The following FAM151B variants were observed in gnomAD, a reference collection of about 807,000 sequenced individuals.
FAM151B encodes family with sequence similarity 151 member B, also known as protein FAM151B.
A neutral mutation model predicts 31.2 loss-of-function variants in FAM151B; 24 were observed. The observed-to-expected ratio is 0.77, with a 90% CI of 0.56 to 1.08. The LOEUF (loss-of-function observed/expected upper bound fraction) is 1.08. FAM151B is among the 50% of genes least tolerant of loss of function. The pLI is 0.00. For synonymous variants in FAM151B, 105 were observed against 111.4 expected, an observed-to-expected ratio of 0.94 and a Z score of 0.36; for missense variants, 293 against 328.6, an observed-to-expected ratio of 0.89 and a Z score of 0.84.
chr5:80,524,163 A>G (rs545669256), intron 5 of FAM151B, among the ~76,000 whole-genome samples: 39 of 152,280 alleles, frequency 2.6e-4, no homozygotes, highest in African/African-American at 8.7e-4. Flanking sequence ...AGAAACATTT[A>G]CAATATAGAT....
intron 1 of FAM151B, chr5:80,500,551 G>A: frequency 1.3e-6 from 1 of 755,664 alleles, no homozygotes; most frequent in Admixed American, 1.7e-5. Flanking sequence ...TGGCAAGGAT[G>A]GCGAGAAAAG....
intron 5 of FAM151B, among the ~76,000 whole-genome samples, chr5:80,538,743 C>G (rs1745721034): frequency 6.6e-6 from 1 of 151,460 alleles, no homozygotes; most frequent in South Asian, 2.1e-4. Context: ...ATTACAGGCA[C>G]CCGCCACCAT....
chr5:80,537,112 TAGTACATGCC>T (rs1422441104), intron 5 of FAM151B, among the ~76,000 whole-genome samples: 1 of 152,262 alleles, frequency 6.6e-6, no homozygotes, highest in African/African-American at 2.4e-5. Flanking sequence ...GATCATTACA[TAGTACATGCC>T]TACATCAAAA....
intron 3 of FAM151B, among the ~76,000 whole-genome samples, chr5:80,517,197 A>C (rs116448310): frequency 0.017 from 2,579 of 152,224 alleles, 67 homozygotes; most frequent in African/African-American, 0.058. Context: ...TATTGCTATA[A>C]TTGTTCTATT....
At chr5:80,505,394 C>CTT (rs1001261424) in intron 2 of FAM151B, among the ~76,000 whole-genome samples, 24 of 137,510 alleles carry the variant, frequency 1.7e-4, no homozygotes, top group African/African-American at 5.5e-4. Flanking sequence ...CCATTGAGTT[C>CTT]TTTTTTTTTT....
At chr5:80,489,693 G>T (rs1743240347) in intron 1 of FAM151B, among the ~76,000 whole-genome samples, 1 of 152,202 alleles carries the variant, frequency 6.6e-6, no homozygotes, top group Non-Finnish European at 1.5e-5. Context: ...GGGAGGCCGA[G>T]GTGGGCGGAT....
At chr5:80,503,810 A>G (rs1377580557) in intron 2 of FAM151B, among the ~76,000 whole-genome samples, 1 of 152,126 alleles carries the variant, frequency 6.6e-6, no homozygotes, top group African/African-American at 2.4e-5. Flanking sequence ...CCATGGTCAC[A>G]AGCTGGAGCT....
At chr5:80,519,628 C>A in intron 3 of FAM151B, 65 bp from the exon 4 acceptor site, 1 of 1,388,802 alleles carries the variant, frequency 7.2e-7, no homozygotes, top group Admixed American at 2.0e-5. Context: ...GACCACTAGT[C>A]TAAAAGAACT....
intron 5 of FAM151B, among the ~76,000 whole-genome samples, chr5:80,541,149 T>G (rs1020345886): frequency 2.0e-5 from 3 of 152,204 alleles, no homozygotes; most frequent in Admixed American, 1.3e-4. Flanking sequence ...CTAAATGTAT[T>G]CTATTTGTCA....
intron 5 of FAM151B, among the ~76,000 whole-genome samples, chr5:80,539,741 C>G (rs1051979783): frequency 6.6e-6 from 1 of 151,432 alleles, no homozygotes; most frequent in Non-Finnish European, 1.5e-5. Flanking sequence ...ATCGGCCTGC[C>G]TCGGCCTCCC....
chr5:80,497,346 C>T (rs1201398211), intron 1 of FAM151B, among the ~76,000 whole-genome samples: 3 of 148,358 alleles, frequency 2.0e-5, no homozygotes, highest in Admixed American at 6.8e-5. Context: ...ACACAGGAGG[C>T]GGAGATTGCA....
At chr5:80,512,398 G>C (rs970799178) in intron 2 of FAM151B, among the ~76,000 whole-genome samples, 1 of 152,190 alleles carries the variant, frequency 6.6e-6, no homozygotes, top group Non-Finnish European at 1.5e-5. Flanking sequence ...GCAAAAATGT[G>C]TGTTATTATT....
intron 2 of FAM151B, among the ~76,000 whole-genome samples, chr5:80,504,122 A>G (rs1321021726): frequency 6.6e-6 from 1 of 152,168 alleles, no homozygotes; most frequent in Non-Finnish European, 1.5e-5. Flanking sequence ...GTTATCCGAA[A>G]TGAGATTCTT....
chr5:80,507,514 C>G (rs774429397), intron 2 of FAM151B, among the ~76,000 whole-genome samples: 2 of 152,036 alleles, frequency 1.3e-5, no homozygotes, highest in Non-Finnish European at 2.9e-5. Context: ...AACCCCGTCT[C>G]TACTAAAAAT....
In FAM151B at chr5:80,522,588, C is replaced by T. The variant is rs180762871; in HGVS notation, c.671+450C>T. 583 of 152,350 alleles carry T rather than the reference C, an allele frequency of 3.8e-3. 4 individuals carry two copies. The highest frequency in any genetic ancestry group is 6.4e-3 in the Non-Finnish European group (434 of 68,142). 9.4% of individuals were successfully genotyped at this position (152,350 alleles called of 1,614,324 possible). A position where few individuals can be genotyped will look rare whatever the true frequency, so the allele number is the denominator to read the frequency against. ...ATCAGCCTGGGCAATTTAGTGAGAA[C>T]TTGTCTTTACAAAACATTAAAAAAT... On this transcript the variant is annotated intron_variant, in intron 5 of 5. Coordinates refer to ENST00000282226, the MANE Select transcript of FAM151B (RefSeq NM_205548.3).
rs1251212925 is a variant in FAM151B at position 80,488,161 on chromosome 5, C to T, written c.25+13C>T. The T allele has an allele frequency of 2.6e-6, 4 of 1,540,738 alleles. No homozygotes were observed. The highest frequency in any genetic ancestry group is 4.9e-5 in the East Asian group (2 of 40,624). On this transcript the variant is annotated intron_variant, in intron 1 of 5. Coordinates refer to ENST00000282226, the MANE Select transcript of FAM151B (RefSeq NM_205548.3). Reference sequence around the variant, plus strand: ...GCTGGAGGCCCAGGTAAGCGCCGAGCGCGCGGCCTCTGCCTGGAGGTGGGG... The same window carrying T: ...GCTGGAGGCCCAGGTAAGCGCCGAGTGCGCGGCCTCTGCCTGGAGGTGGGG...
At chr5:80,496,958 G>A (rs1218362112) in intron 1 of FAM151B, among the ~76,000 whole-genome samples, 1 of 151,624 alleles carries the variant, frequency 6.6e-6, no homozygotes, top group African/African-American at 2.4e-5. Flanking sequence ...CTACAGACGT[G>A]AGCCACCACA....
chr5:80,536,316 G>A (rs138420232), intron 5 of FAM151B, among the ~76,000 whole-genome samples: 1,904 of 151,688 alleles, frequency 0.013, 47 homozygotes, highest in African/African-American at 0.044. Context: ...GATCACAGGC[G>A]CCCGCCACCA....
At chr5:80,499,046 C>T (rs1230844659) in intron 1 of FAM151B, 1 of 167,834 alleles carries the variant, frequency 6.0e-6, no homozygotes, top group Non-Finnish European at 1.3e-5. Flanking sequence ...AGGTTTTTAA[C>T]TGTAGTTAGG....
Sources: allele counts gnomAD v4.1 joint callset (sites outside exome capture counted in the v4.1 genomes callset), GRCh38; gene constraint gnomAD v4.1.1; transcripts MANE v1.5; gene names NCBI Gene and HGNC (gene_info 2026-07-23, HGNC 2026-07-21).